Variants in SMARCAL1 observed in about 807,000 individuals in gnomAD.
The protein encoded by SMARCAL1 is SNF2 related chromatin remodeling annealing helicase 1, also known as ATP-driven annealing helicase.
Under a neutral mutation model 94.5 loss-of-function variants are expected in SMARCAL1, and 58 were observed. The observed-to-expected ratio is 0.61, with a 90% CI of 0.50 to 0.76. The LOEUF (loss-of-function observed/expected upper bound fraction) is 0.76, where lower values mean the gene tolerates loss of function less well. Among genes scored for constraint, SMARCAL1 ranks in the 30% least tolerant of loss-of-function variants. The pLI is 0.00. For synonymous variants in SMARCAL1, 422 were observed against 455.1 expected (o/e 0.93, Z 0.93); for missense variants, 1,051 against 1,177.9 (o/e 0.89, Z 1.58).
intron 5 of SMARCAL1, among the ~76,000 whole-genome samples, chr2:216,420,952 C>T (rs535545014): frequency 2.0e-5 from 3 of 152,292 alleles, no homozygotes; most frequent in Non-Finnish European, 2.9e-5. Flanking sequence ...GTTGTTAAAA[C>T]GCAGCTAGCT....
At chr2:216,445,207 G>C (rs2106048177) in intron 10 of SMARCAL1, among the ~76,000 whole-genome samples, 1 of 152,228 alleles carries the variant, frequency 6.6e-6, no homozygotes, top group South Asian at 2.1e-4. Context: ...TTTGCAGCTG[G>C]GCATGTGTTA....
At chr2:216,477,250 A>G (rs1695104984) in intron 16 of SMARCAL1, 41 bp downstream of exon 16, 2 of 1,397,092 alleles carry the variant, frequency 1.4e-6, no homozygotes, top group East Asian at 2.4e-5. Flanking sequence ...GAGTCGAGCA[A>G]GGGTGGAAAC....
chr2:216,443,730 T>C (rs190417482), intron 10 of SMARCAL1, among the ~76,000 whole-genome samples: 8 of 152,296 alleles, frequency 5.3e-5, no homozygotes, highest in Middle Eastern at 3.4e-3. Context: ...TCAGAGGCCA[T>C]GTATAAAGTA....
At chr2:216,476,975 C>A in intron 15 of SMARCAL1, 134 bp from the exon 16 acceptor site, 1 of 735,988 alleles carries the variant, frequency 1.4e-6, no homozygotes, top group Non-Finnish European at 2.4e-6. Flanking sequence ...ATTTCTAGGT[C>A]TGAGACAGTG....
At chr2:216,431,034 C>G in intron 7 of SMARCAL1, among the ~76,000 whole-genome samples, 1 of 152,226 alleles carries the variant, frequency 6.6e-6, no homozygotes, top group East Asian at 1.9e-4. Flanking sequence ...AGGGTGAGGC[C>G]GCCAAAGCTG....
chr2:216,465,310 GGTGGGGTTGTCCCC>G (rs1290079108), intron 13 of SMARCAL1, among the ~76,000 whole-genome samples: 13 of 152,164 alleles, frequency 8.5e-5, no homozygotes, highest in African/African-American at 3.1e-4. Flanking sequence ...TTAAAAGGAG[GGTGGGGTTGTCCCC>G]AGCACCAAAG....
chr2:216,448,833 A>C (rs1337134301), intron 11 of SMARCAL1, among the ~76,000 whole-genome samples: 1 of 148,190 alleles, frequency 6.7e-6, no homozygotes, highest in Non-Finnish European at 1.5e-5. Flanking sequence ...CTCTGTCTCA[A>C]AAAAAAAAAA....
chr2:216,412,772 CGTGGCG>C (rs1693491480), intron 1 of SMARCAL1, 124 bp downstream of exon 1: 1 of 151,434 alleles, frequency 6.6e-6, no homozygotes, highest in Non-Finnish European at 1.5e-5. Context: ...GGGAGTGGGG[CGTGGCG>C]CCCGCTTACC....
intron 2 of SMARCAL1, 53 bp from the exon 3 acceptor site, chr2:216,414,594 A>G (rs1693543073): frequency 3.3e-6 from 3 of 913,434 alleles, no homozygotes; most frequent in South Asian, 1.4e-5. Context: ...TGGTTGGAGT[A>G]TGACAATTAA....
chr2:216,470,549 A>C (rs1477668856), intron 14 of SMARCAL1, among the ~76,000 whole-genome samples: 4 of 150,846 alleles, frequency 2.7e-5, no homozygotes, highest in Admixed American at 1.3e-4. Context: ...GTTCAGTGGC[A>C]CGAATGCTGC....
At chr2:216,458,001 G>T (rs1422403626) in intron 12 of SMARCAL1, among the ~76,000 whole-genome samples, 1 of 151,900 alleles carries the variant, frequency 6.6e-6, no homozygotes, top group African/African-American at 2.4e-5. Flanking sequence ...TGATAAAGGG[G>T]TATCACCACT....
In SMARCAL1 at chr2:216,475,519, G is replaced by A. The variant is rs531219854; in HGVS notation, c.2427+68G>A. On this transcript the variant is annotated intron_variant, in intron 15 of 17. Coordinates refer to ENST00000357276, the MANE Select transcript of SMARCAL1 (RefSeq NM_014140.4). The surrounding 1 kb of genome is among the most constrained non-coding windows in gnomAD (Gnocchi z 4.4). ...TGGCTGTGGGCAGGAAGCAGTGAGT[G>A]TCGGTCGGGGAAAGTGTGGTTTCCC... 2 of 1,519,388 alleles carry A rather than the reference G, an allele frequency of 1.3e-6. No homozygotes were observed. Among genetic ancestry groups the A allele is most frequent in the Non-Finnish European group, 1.8e-6 (2 of 1,094,052 alleles). The allele number at this position is 1,519,388 out of a possible 1,614,324, so 94.1% of individuals were successfully genotyped here. A position where few individuals can be genotyped will look rare whatever the true frequency, so the allele number is the denominator to read the frequency against.
chr2:216,438,053 G>A (rs952935140), intron 9 of SMARCAL1, among the ~76,000 whole-genome samples: 4 of 152,228 alleles, frequency 2.6e-5, no homozygotes, highest in African/African-American at 9.6e-5. Flanking sequence ...ACCAGTGCAG[G>A]GCCCATTATG....
intron 14 of SMARCAL1, among the ~76,000 whole-genome samples, chr2:216,474,706 A>C (rs961190385): frequency 3.9e-5 from 6 of 152,046 alleles, no homozygotes; most frequent in African/African-American, 1.4e-4. Context: ...CCGTGAGCCA[A>C]GATCGTGCCA....
intron 12 of SMARCAL1, among the ~76,000 whole-genome samples, chr2:216,457,404 C>T (rs1694590854): frequency 1.3e-5 from 2 of 152,310 alleles, no homozygotes; most frequent in East Asian, 3.9e-4. Context: ...CAGCACCACA[C>T]CGTACTTATT....
At chr2:216,437,250 C>T (rs767211799) in intron 9 of SMARCAL1, among the ~76,000 whole-genome samples, 1 of 152,190 alleles carries the variant, frequency 6.6e-6, no homozygotes, top group African/African-American at 2.4e-5. Flanking sequence ...TCCATAAATA[C>T]ATTTTACTTG....
At chr2:216,478,488 G>C (rs1218233006) in intron 17 of SMARCAL1, among the ~76,000 whole-genome samples, 189 bp downstream of exon 17, 2 of 152,164 alleles carry the variant, frequency 1.3e-5, no homozygotes, top group African/African-American at 4.8e-5. Context: ...GGAAATGATG[G>C]CATTAGCTCC....
chr2:216,416,217 A>G (rs1693597711), intron 3 of SMARCAL1, 40 bp from the exon 4 acceptor site: 3 of 1,589,176 alleles, frequency 1.9e-6, no homozygotes, highest in Non-Finnish European at 2.6e-6. Flanking sequence ...GTGCCTAAGT[A>G]CAAATTGTCA....
intron 12 of SMARCAL1, among the ~76,000 whole-genome samples, chr2:216,456,100 G>C (rs1351162697): frequency 1.3e-5 from 2 of 152,214 alleles, no homozygotes; most frequent in African/African-American, 4.8e-5. Context: ...AAGGGTATCA[G>C]TGATTGAAGA....
Sources: gnomAD v4.1 joint callset for allele counts (sites outside exome capture counted in the v4.1 genomes callset) on GRCh38, gnomAD v4.1.1 for gene constraint, Gnocchi (gnomAD v3.1) non-coding constraint, MANE v1.5 for transcripts, NCBI Gene and HGNC (gene_info 2026-07-23, HGNC 2026-07-21) for gene names.